SUGCT: variants seen among roughly 807,000 people sequenced by gnomAD.
SUGCT encodes succinyl-CoA:glutarate-CoA transferase.
Under a neutral mutation model 55.0 loss-of-function variants are expected in SUGCT, and 41 were observed. The observed-to-expected ratio is 0.74, with a 90% CI of 0.58 to 0.97. SUGCT has a LOEUF of 0.97. SUGCT is among the 50% of genes least tolerant of loss of function. SUGCT has a pLI of 0.00. For synonymous variants in SUGCT, 187 were observed against 200.4 expected (o/e 0.93, Z 0.56); for missense variants, 568 against 547.8 (o/e 1.04, Z -0.37).
chr7:40,953,904 C>T, the SUGCT span, among the ~76,000 whole-genome samples: 6,097 of 152,276 alleles, frequency 0.04, 140 homozygotes, highest in South Asian at 0.074. Flanking sequence ...GGGTCAGGGA[C>T]CCACTTGAGG....
At chr7:40,479,043 C>T (rs1790866837) in intron 11 of SUGCT, among the ~76,000 whole-genome samples, 1 of 150,806 alleles carries the variant, frequency 6.6e-6, no homozygotes, top group Non-Finnish European at 1.5e-5. Flanking sequence ...GAATGATAGT[C>T]CACTGTGTGT....
At chr7:40,838,729 A>G (rs1448946695) in intron 13 of SUGCT, among the ~76,000 whole-genome samples, 1 of 152,140 alleles carries the variant, frequency 6.6e-6, no homozygotes, top group Non-Finnish European at 1.5e-5. Flanking sequence ...TCCAAACTAT[A>G]TGCCCTTTAT....
At chr7:40,744,357 C>G (rs1231196741) in intron 12 of SUGCT, among the ~76,000 whole-genome samples, 1 of 152,180 alleles carries the variant, frequency 6.6e-6, no homozygotes, top group Non-Finnish European at 1.5e-5. Flanking sequence ...CCTTGGCTAC[C>G]TGCAATGGTG....
intron 11 of SUGCT, among the ~76,000 whole-genome samples, chr7:40,495,908 A>C (rs1446910793): frequency 6.6e-6 from 1 of 152,202 alleles, no homozygotes; most frequent in Non-Finnish European, 1.5e-5. Context: ...ATAATATATC[A>C]GTGCCTATCC....
chr7:40,721,528 T>C (rs375316361), intron 12 of SUGCT, among the ~76,000 whole-genome samples: 5 of 152,222 alleles, frequency 3.3e-5, no homozygotes, highest in Admixed American at 1.3e-4. Flanking sequence ...AATGATGGAC[T>C]ATCTCTAGGT....
At chr7:40,210,640 G>A (rs182734100) in intron 6 of SUGCT, among the ~76,000 whole-genome samples, 22 of 152,188 alleles carry the variant, frequency 1.4e-4, no homozygotes, top group African/African-American at 5.1e-4. Flanking sequence ...GATGGTGAGC[G>A]CACACCTGGA....
chr7:40,784,311 C>T (rs916535080), intron 13 of SUGCT, among the ~76,000 whole-genome samples: 3 of 152,158 alleles, frequency 2.0e-5, no homozygotes, highest in African/African-American at 4.8e-5. Context: ...AACTTAAGCT[C>T]CTATGATGGT....
intron 13 of SUGCT, among the ~76,000 whole-genome samples, chr7:40,789,350 A>C (rs1168350481): frequency 1.3e-5 from 2 of 152,160 alleles, no homozygotes; most frequent in Non-Finnish European, 2.9e-5. Context: ...CAAGTAAGTG[A>C]AATCAGGCAG....
At chr7:40,234,772 A>T (rs1415921616) in intron 6 of SUGCT, among the ~76,000 whole-genome samples, 1 of 151,988 alleles carries the variant, frequency 6.6e-6, no homozygotes, top group Non-Finnish European at 1.5e-5. Context: ...AGCTGGGTGT[A>T]GTGGTGTGTG....
intron 12 of SUGCT, among the ~76,000 whole-genome samples, chr7:40,742,715 A>G (rs889022772): frequency 1.3e-5 from 2 of 152,176 alleles, no homozygotes; most frequent in Admixed American, 6.5e-5. Flanking sequence ...AGGAAATTTC[A>G]TGTCAATTTG....
At chr7:40,500,889 A>G (rs1792246866) in intron 12 of SUGCT, among the ~76,000 whole-genome samples, 1 of 120,728 alleles carries the variant, frequency 8.3e-6, no homozygotes. Context: ...ACACAAACAC[A>G]TACACATACA....
the SUGCT span, among the ~76,000 whole-genome samples, chr7:40,915,029 CA>C: frequency 1.3e-5 from 2 of 152,106 alleles, no homozygotes. Context: ...CAAACCTAAT[CA>C]GGAAGATAGG....
chr7:40,488,899 A>G (rs1035875871), intron 11 of SUGCT, among the ~76,000 whole-genome samples: 10 of 151,960 alleles, frequency 6.6e-5, no homozygotes, highest in Non-Finnish European at 1.2e-4. Context: ...TATCCTCTCT[A>G]TGGTTTTGAT....
chr7:40,485,417 C>CTTT (rs397889166), intron 11 of SUGCT, among the ~76,000 whole-genome samples: 838 of 74,376 alleles, frequency 0.011, 10 homozygotes, highest in Non-Finnish European at 0.013. Flanking sequence ...TATATACATT[C>CTTT]TTTTTTTTTT....
intron 12 of SUGCT, among the ~76,000 whole-genome samples, chr7:40,635,425 A>G (rs572139313): frequency 2.4e-4 from 37 of 152,382 alleles, no homozygotes; most frequent in Admixed American, 1.1e-3. Flanking sequence ...CATGAAATAC[A>G]GGAATTTCAG....
chr7:40,797,119 G>A (rs1790588507), intron 13 of SUGCT, among the ~76,000 whole-genome samples: 2 of 152,082 alleles, frequency 1.3e-5, no homozygotes, highest in African/African-American at 2.4e-5. Flanking sequence ...AGTAAGTCTT[G>A]GGATAAATTT....
chr7:40,736,184 A>G (rs1273230268), intron 12 of SUGCT, among the ~76,000 whole-genome samples: 3 of 147,674 alleles, frequency 2.0e-5, no homozygotes, highest in South Asian at 4.2e-4. Flanking sequence ...TTATATATGT[A>G]ATTTATCAAT....
At chr7:40,961,845 G>A in the SUGCT span, among the ~76,000 whole-genome samples, 81 of 152,242 alleles carry the variant, frequency 5.3e-4, no homozygotes, top group Admixed American at 1.8e-3. Context: ...TGTTCCTCCC[G>A]GTGGGTTCAT....
the SUGCT span, among the ~76,000 whole-genome samples, chr7:40,998,367 GA>G: frequency 0.027 from 3,829 of 142,584 alleles, 123 homozygotes; most frequent in African/African-American, 0.078. Context: ...GTAAGACTCT[GA>G]AAAAAAAAAA....
Sources: gnomAD v4.1 joint callset for allele counts (sites outside exome capture counted in the v4.1 genomes callset) on GRCh38, gnomAD v4.1.1 for gene constraint, MANE v1.5 for transcripts, NCBI Gene and HGNC (gene_info 2026-07-23, HGNC 2026-07-21) for gene names.